Variants in SHROOM4 observed in about 807,000 individuals in gnomAD.
The protein encoded by SHROOM4 is protein Shroom4.
In SHROOM4, 17 loss-of-function variants were observed where a neutral mutation model predicts 80.3. The ratio of observed to expected loss-of-function variants is 0.21; its 90% confidence interval spans 0.14 to 0.32. The LOEUF is 0.32. Among genes scored for constraint, SHROOM4 ranks in the 10% least tolerant of loss-of-function variants. The pLI, the probability that SHROOM4 is intolerant of heterozygous loss-of-function variation, is 1.00. For synonymous variants in SHROOM4, 400 were observed against 437.5 expected (o/e 0.91, Z 1.07); for missense variants, 993 against 1,140.3 (o/e 0.87, Z 1.86).
chrX:50,674,049 A>G (rs1402471201), intron 2 of SHROOM4, among the ~76,000 whole-genome samples: 1 of 110,555 alleles, frequency 9.0e-6, no homozygotes, highest in Non-Finnish European at 1.9e-5. Context: ...CAGAACATGT[A>G]TAGGGTATGC....
At chrX:50,722,627 T>C (rs1422170773) in intron 1 of SHROOM4, among the ~76,000 whole-genome samples, 2 of 110,133 alleles carry the variant, frequency 1.8e-5, no homozygotes, top group African/African-American at 6.7e-5. Context: ...CCTGCTTCCT[T>C]CCGTCCATCC....
chrX:50,684,641 T>C (rs1933024951), intron 2 of SHROOM4, among the ~76,000 whole-genome samples: 1 of 111,419 alleles, frequency 9.0e-6, no homozygotes, highest in Non-Finnish European at 1.9e-5. Flanking sequence ...GTTTTCAAAA[T>C]GGGAGACTTG....
chrX:50,578,588 A>T, the SHROOM4 span, among the ~76,000 whole-genome samples: 1 of 111,442 alleles, frequency 9.0e-6, no homozygotes. Context: ...TACAGGAGTG[A>T]GCCACCGTGC....
intron 2 of SHROOM4, among the ~76,000 whole-genome samples, chrX:50,646,078 ACT>A (rs1415060894): frequency 9.0e-6 from 1 of 111,447 alleles, no homozygotes; most frequent in Non-Finnish European, 1.9e-5. Flanking sequence ...GAGAACCATG[ACT>A]CTGCTCTAAC....
chrX:50,788,052 G>A (rs1935781879), intron 1 of SHROOM4, among the ~76,000 whole-genome samples: 1 of 112,214 alleles, frequency 8.9e-6, no homozygotes, highest in Non-Finnish European at 1.9e-5. Flanking sequence ...ATGTAATGCT[G>A]TGATAGTGGT....
intron 5 of SHROOM4, among the ~76,000 whole-genome samples, chrX:50,627,020 T>A (rs782492809): frequency 3.6e-5 from 4 of 111,574 alleles, no homozygotes; most frequent in Admixed American, 9.5e-5. Context: ...ACCGCCTGGG[T>A]CTAGTCAACT....
intron 1 of SHROOM4, among the ~76,000 whole-genome samples, chrX:50,747,462 G>C (rs1006310678): frequency 8.9e-6 from 1 of 111,928 alleles, no homozygotes; most frequent in African/African-American, 3.2e-5. Flanking sequence ...ACAAATGCTG[G>C]ATTACATTCC....
At chrX:50,655,560 A>G (rs1321281642) in intron 2 of SHROOM4, among the ~76,000 whole-genome samples, 1 of 106,803 alleles carries the variant, frequency 9.4e-6, no homozygotes. Context: ...ATTTTTATAT[A>G]TGAAATATAT....
chrX:50,676,296 G>GT lies in SHROOM4; in HGVS notation c.269+19489dup, dbSNP rs1195734922. ...CAATTCCTGGTATTCTAGAAAAGTAGTTTTTTTTTTTTCTAGTCCTTGAAA... is the reference window on the plus strand; with the variant it reads ...CAATTCCTGGTATTCTAGAAAAGTAGTTTTTTTTTTTTTCTAGTCCTTGAAA... On this transcript the variant is annotated intron_variant, in intron 2 of 8. Coordinates refer to ENST00000376020, the MANE Select transcript of SHROOM4 (RefSeq NM_020717.5). Among the ~76,000 whole-genome samples the GT allele has an allele frequency of 3.0e-3, 312 of 103,514 alleles. 1 individual carries two copies. Among genetic ancestry groups the GT allele is most frequent in the Middle Eastern group, 0.01 (2 of 197 alleles). 89.9% of individuals were successfully genotyped at this position (103,514 alleles called of 115,157 possible).
chrX:50,737,271 A>G (rs1391683694), intron 1 of SHROOM4, among the ~76,000 whole-genome samples: 1 of 111,131 alleles, frequency 9.0e-6, no homozygotes, highest in Non-Finnish European at 1.9e-5. Flanking sequence ...TATTCATTAA[A>G]TACAAAAGGG....
At chrX:50,722,424 A>T (rs1158449977) in intron 1 of SHROOM4, among the ~76,000 whole-genome samples, 1 of 110,744 alleles carries the variant, frequency 9.0e-6, no homozygotes, top group Non-Finnish European at 1.9e-5. Flanking sequence ...TTTAGCACTC[A>T]GTAGATTTTC....
At position 50,698,224 on chromosome X, in the gene SHROOM4, A is replaced by G. The variant is rs782614556; in HGVS notation, c.118-2287T>C. On this transcript the variant is annotated intron_variant, in intron 1 of 8. Transcript: ENST00000376020. ...TAAAATGCTTAATTATTGCTGTAGC[A>G]AAAGCTCAGGCATTTGGCATTCCTT... Among the ~76,000 whole-genome samples, 3 of 112,254 alleles carry G rather than the reference A, an allele frequency of 2.7e-5. No homozygotes were observed. In the East Asian group the frequency reaches 8.4e-4, roughly 32 times the overall value.
intron 2 of SHROOM4, among the ~76,000 whole-genome samples, chrX:50,688,501 C>G (rs192823623): frequency 1.8e-5 from 2 of 111,311 alleles, no homozygotes; most frequent in East Asian, 5.6e-4. Context: ...CATGTTCTCA[C>G]TCATATGTGG....
rs993677111 is a variant in SHROOM4, at chrX:50,657,416, G to C, written c.270-19108C>G. 2.9e-4 allele frequency among the ~76,000 whole-genome samples: 32 copies of C among 109,567 alleles called. 1 individual carries two copies. In the Middle Eastern group the frequency reaches 0.019, roughly 64 times the overall value. ...TCATATATAGCCTTATTGTGTTGAGGCACATTCCTTCTACACCTAATTTTT... is the reference window on the plus strand; with the variant it reads ...TCATATATAGCCTTATTGTGTTGAGCCACATTCCTTCTACACCTAATTTTT... On this transcript the variant is annotated intron_variant, in intron 2 of 8. Coordinates refer to ENST00000376020, the MANE Select transcript of SHROOM4 (RefSeq NM_020717.5).
chrX:50,723,531 C>T (rs1244249268), intron 1 of SHROOM4, among the ~76,000 whole-genome samples: 1 of 110,765 alleles, frequency 9.0e-6, no homozygotes, highest in Non-Finnish European at 1.9e-5. Flanking sequence ...CCATTAAATG[C>T]TTTTGGTTCA....
chrX:50,592,620 C>T lies in SHROOM4; in HGVS notation c.*4075G>A, dbSNP rs1268660517. 1 of 125,682 alleles carries T rather than the reference C, an allele frequency of 8.0e-6. No individual in the cohort carries two copies. The highest frequency in any genetic ancestry group is 2.5e-4 in the South Asian group (1 of 4,033). 10.4% of individuals were successfully genotyped at this position (125,682 alleles called of 1,213,427 possible). On this transcript the variant is annotated 3_prime_UTR_variant, in exon 9 of 9. Coordinates refer to ENST00000376020, the MANE Select transcript of SHROOM4 (RefSeq NM_020717.5). ...AAGCTTTTCAATGTCAGAGTTGCTT[C>T]CTGGAATACATTTGAGTCTAATCTT...
chrX:50,732,132 G>A (rs1275022382), intron 1 of SHROOM4, among the ~76,000 whole-genome samples: 1 of 111,477 alleles, frequency 9.0e-6, no homozygotes, highest in Non-Finnish European at 1.9e-5. Flanking sequence ...TCAATTGGTA[G>A]AACTTAACAG....
intron 2 of SHROOM4, among the ~76,000 whole-genome samples, chrX:50,665,312 A>T (rs1251361131): frequency 9.0e-6 from 1 of 111,229 alleles, no homozygotes; most frequent in Non-Finnish European, 1.9e-5. Context: ...GTCGAGGCAA[A>T]GTTAAAGCCT....
chrX:50,801,291 A>AGAGAGAGAG (rs782711842), intron 1 of SHROOM4, among the ~76,000 whole-genome samples: 10 of 103,526 alleles, frequency 9.7e-5, no homozygotes, highest in South Asian at 4.6e-4. Flanking sequence ...AGAGAGAGAG[A>AGAGAGAGAG]ACACGTACTG....
Sources: allele counts gnomAD v4.1 joint callset (sites outside exome capture counted in the v4.1 genomes callset), GRCh38; gene constraint gnomAD v4.1.1; transcripts MANE v1.5; gene names NCBI Gene and HGNC (gene_info 2026-07-23, HGNC 2026-07-21).